DOCK11: variants seen among roughly 807,000 people sequenced by gnomAD.
The protein encoded by DOCK11 is dedicator of cytokinesis protein 11.
DOCK11 carries 70 observed loss-of-function variants against 169.1 expected under a neutral mutation model. That is an observed-to-expected ratio of 0.41 (90% CI 0.34 to 0.51). DOCK11 has a LOEUF of 0.51. Ranked by LOEUF, DOCK11 falls within the 20% of genes least tolerant of loss-of-function variation. The pLI, the probability that DOCK11 is intolerant of heterozygous loss-of-function variation, is 0.10. For missense variants in DOCK11, 1,166 were observed against 1,538.8 expected (o/e 0.76, Z 4.05); for synonymous variants, 529 against 541.3 (o/e 0.98, Z 0.32).
chrX:118,645,453 G>T (rs1413607053), intron 40 of DOCK11, among the ~76,000 whole-genome samples: 2 of 111,214 alleles, frequency 1.8e-5, no homozygotes, highest in East Asian at 5.7e-4. Context: ...CAGCACTTTG[G>T]GAGGCCGAGG....
At chrX:118,571,735 A>T (rs1569419326) in intron 10 of DOCK11, among the ~76,000 whole-genome samples, 1 of 112,208 alleles carries the variant, frequency 8.9e-6, no homozygotes, top group African/African-American at 3.2e-5. Flanking sequence ...ATAAACACAT[A>T]TAAAAAGTAA....
At chrX:118,549,392 C>T (rs2012411053) in intron 6 of DOCK11, among the ~76,000 whole-genome samples, 1 of 110,388 alleles carries the variant, frequency 9.1e-6, no homozygotes, top group African/African-American at 3.3e-5. Flanking sequence ...GATCCACCTA[C>T]CTCAGCCTCC....
chrX:118,619,498 ATAT>A (rs1290686356), intron 31 of DOCK11, among the ~76,000 whole-genome samples: 30 of 80,629 alleles, frequency 3.7e-4, no homozygotes, highest in African/African-American at 1.1e-3. Context: ...AAAAAAAAAA[ATAT>A]ATATATATAT....
intron 9 of DOCK11, among the ~76,000 whole-genome samples, chrX:118,567,696 G>C (rs995246968): frequency 9.0e-6 from 1 of 111,341 alleles, no homozygotes; most frequent in Non-Finnish European, 1.9e-5. Context: ...GCCTCCCAAA[G>C]TGCTGGGATT....
intron 52 of DOCK11, 44 bp from the exon 53 acceptor site, chrX:118,685,636 TGGCAGTGG>T: frequency 8.5e-7 from 1 of 1,182,696 alleles, no homozygotes; most frequent in Admixed American, 2.3e-5. Flanking sequence ...ATTCTTTTTT[TGGCAGTGG>T]CTATTTTGCT....
chrX:118,518,545 TAAAG>T (rs2057703715), intron 1 of DOCK11, among the ~76,000 whole-genome samples: 1 of 111,775 alleles, frequency 8.9e-6, no homozygotes, highest in Admixed American at 9.5e-5. Flanking sequence ...CCCCATCTCT[TAAAG>T]AAATGGTTTG....
chrX:118,511,208 T>C lies in DOCK11; in HGVS notation c.102+15135T>C, dbSNP rs781369900. 6.2e-5 allele frequency among the ~76,000 whole-genome samples: 7 copies of C among 112,680 alleles called. No homozygotes were observed. The South Asian group carries it at 2.5e-3, about 41-fold the overall frequency. The stretch of plus-strand genomic sequence containing the variant: ...CCTGGCTGTAATGCACTGAAAATCA[T>C]TATAGAAAAGGTTGGGGAAACTCCC... On this transcript the variant is annotated intron_variant, in intron 1 of 52. Transcript: ENST00000276202.
intron 6 of DOCK11, among the ~76,000 whole-genome samples, chrX:118,547,037 T>C (rs371309260): frequency 1.8e-5 from 2 of 110,548 alleles, no homozygotes; most frequent in East Asian, 5.6e-4. Flanking sequence ...AGGATAAAAT[T>C]GTGCAGAGCC....
At chrX:118,515,064 G>C (rs1313867232) in intron 1 of DOCK11, among the ~76,000 whole-genome samples, 1 of 111,391 alleles carries the variant, frequency 9.0e-6, no homozygotes, top group African/African-American at 3.3e-5. Flanking sequence ...AGCATTCCTT[G>C]GCTTGTGGTT....
chrX:118,589,497 G>A (rs2013919788), intron 18 of DOCK11, among the ~76,000 whole-genome samples: 1 of 111,764 alleles, frequency 8.9e-6, no homozygotes, highest in Non-Finnish European at 1.9e-5. Context: ...GTAACAGAAT[G>A]AGGCAATTAG....
chrX:118,508,324 T>G (rs1338904000), intron 1 of DOCK11, among the ~76,000 whole-genome samples: 1 of 111,606 alleles, frequency 9.0e-6, no homozygotes, highest in African/African-American at 3.3e-5. Context: ...AACATATATA[T>G]TTCTTTCCAT....
chrX:118,545,892 T>C lies in DOCK11; in HGVS notation c.463-129T>C. 6.5e-6 allele frequency: 3 copies of C among 458,454 alleles called. No individual in the cohort carries two copies. The Admixed American group carries it at 1.1e-4, about 17-fold the overall frequency. The allele number at this position is 458,454 out of a possible 1,213,427, so 37.8% of individuals were successfully genotyped here. A position where few individuals can be genotyped will look rare whatever the true frequency, so the allele number is the denominator to read the frequency against. ...TTCTACAGTCAACTATTTTAAATCC[T>C]CACGGGGAAGAGGGGACTTTATGTT... On this transcript the variant is annotated intron_variant, in intron 5 of 52. Coordinates refer to ENST00000276202, the MANE Select transcript of DOCK11 (RefSeq NM_144658.4).
intron 3 of DOCK11, among the ~76,000 whole-genome samples, 156 bp from the exon 4 acceptor site, chrX:118,543,355 G>GT (rs1229775245): frequency 1.8e-5 from 2 of 111,988 alleles, no homozygotes; most frequent in Non-Finnish European, 3.8e-5. Flanking sequence ...CACCAACTGG[G>GT]TAAGAGAGAC....
chrX:118,583,439 A>G (rs1022434277), intron 14 of DOCK11, among the ~76,000 whole-genome samples: 3 of 110,952 alleles, frequency 2.7e-5, no homozygotes, highest in Non-Finnish European at 3.8e-5. Flanking sequence ...TATACACTTT[A>G]TATATACACA....
intron 1 of DOCK11, among the ~76,000 whole-genome samples, chrX:118,499,191 G>C (rs1317867779): frequency 8.9e-6 from 1 of 112,047 alleles, no homozygotes; most frequent in Non-Finnish European, 1.9e-5. Flanking sequence ...TTGTAATTCA[G>C]GATGTAGCTA....
chrX:118,596,110 A>G (rs1027546593), intron 20 of DOCK11, among the ~76,000 whole-genome samples: 4 of 112,654 alleles, frequency 3.6e-5, no homozygotes, highest in African/African-American at 1.3e-4. Context: ...ATGTTGCTTA[A>G]GAACAAGAAA....
intron 34 of DOCK11, among the ~76,000 whole-genome samples, chrX:118,629,947 G>T (rs1195461990): frequency 9.2e-6 from 1 of 108,907 alleles, no homozygotes; most frequent in African/African-American, 3.4e-5. Flanking sequence ...GGGCTACTGC[G>T]CCTGGTTTTA....
intron 46 of DOCK11, among the ~76,000 whole-genome samples, chrX:118,672,780 C>T (rs2016517482): frequency 1.8e-5 from 2 of 112,712 alleles, no homozygotes; most frequent in Non-Finnish European, 3.7e-5. Context: ...TCCTTGTTGA[C>T]GTGGTTTCTG....
intron 34 of DOCK11, 122 bp downstream of exon 34, chrX:118,628,394 C>T (rs1340213941): frequency 2.3e-6 from 1 of 425,909 alleles, no homozygotes; most frequent in Non-Finnish European, 4.1e-6. Context: ...AAAAGCATCC[C>T]ATAATTCTTA....
Sources: gnomAD v4.1 joint callset for allele counts (sites outside exome capture counted in the v4.1 genomes callset) on GRCh38, gnomAD v4.1.1 for gene constraint, MANE v1.5 for transcripts, NCBI Gene and HGNC (gene_info 2026-07-23, HGNC 2026-07-21) for gene names.